PTPN13: variants seen among roughly 807,000 people sequenced by gnomAD.
PTPN13 encodes protein tyrosine phosphatase non-receptor type 13, also known as tyrosine-protein phosphatase non-receptor type 13.
In PTPN13, 191 loss-of-function variants were observed where a neutral mutation model predicts 284.0. That is an observed-to-expected ratio of 0.67 (90% CI 0.60 to 0.76). PTPN13 has a LOEUF of 0.76. Among genes scored for constraint, PTPN13 ranks in the 30% least tolerant of loss-of-function variants. The pLI is 0.00. For missense variants in PTPN13, 2,797 were observed against 2,939.9 expected, an observed-to-expected ratio of 0.95 and a Z score of 1.12; for synonymous variants, 986 against 1,022.3, an observed-to-expected ratio of 0.96 and a Z score of 0.68.
chr4:86,775,670 A>G lies in PTPN13; in HGVS notation c.5891+18A>G, dbSNP rs1472135672. The G allele has an allele frequency of 5.7e-6, 9 of 1,579,090 alleles. No homozygotes were observed. The African/African-American group carries it at 1.2e-4, about 21-fold the overall frequency. On this transcript the variant is annotated intron_variant, in intron 35 of 47. Coordinates refer to ENST00000411767, the MANE Select transcript of PTPN13 (RefSeq NM_080683.3). ...GCAACAAGGTACTCTGCAATTATTT[A>G]TGAGTTTTGATTGTGCGTGTGTGTG...
At chr4:86,743,126 T>A (rs561898957) in intron 16 of PTPN13, among the ~76,000 whole-genome samples, 77 of 152,270 alleles carry the variant, frequency 5.1e-4, no homozygotes, top group African/African-American at 1.7e-3. Flanking sequence ...CACAACTGAG[T>A]TCTCTCAAGC....
chr4:86,672,060 C>T (rs911821834), intron 2 of PTPN13, among the ~76,000 whole-genome samples: 11 of 152,160 alleles, frequency 7.2e-5, no homozygotes, highest in African/African-American at 2.7e-4. Flanking sequence ...GTTGATAAAA[C>T]ATTTGAACCA....
intron 1 of PTPN13, among the ~76,000 whole-genome samples, chr4:86,602,779 C>T (rs1366899327): frequency 6.6e-6 from 1 of 151,912 alleles, no homozygotes; most frequent in Non-Finnish European, 1.5e-5. Context: ...GCACTTCAAC[C>T]TCCCATGCTC....
intron 5 of PTPN13, 37 bp from the exon 6 acceptor site, chr4:86,693,550 C>T (rs1231345862): frequency 6.5e-6 from 9 of 1,376,932 alleles, no homozygotes; most frequent in Non-Finnish European, 8.8e-6. Context: ...AAGGGAGATC[C>T]TTTTGTCAAA....
intron 20 of PTPN13, among the ~76,000 whole-genome samples, chr4:86,755,122 A>G (rs1423320274): frequency 6.6e-6 from 1 of 152,106 alleles, no homozygotes; most frequent in Non-Finnish European, 1.5e-5. Flanking sequence ...AGATTATTAG[A>G]TGAAAATTAT....
At chr4:86,688,421 C>A (rs1021273867) in intron 4 of PTPN13, among the ~76,000 whole-genome samples, 1 of 150,958 alleles carries the variant, frequency 6.6e-6, no homozygotes, top group Admixed American at 6.6e-5. Context: ...CATTGGCCAC[C>A]CTTTCATATG....
At chr4:86,801,175 A>G (rs1041514611) in intron 42 of PTPN13, among the ~76,000 whole-genome samples, 1 of 152,230 alleles carries the variant, frequency 6.6e-6, no homozygotes, top group African/African-American at 2.4e-5. Context: ...CTCTTCTAAG[A>G]TAGTTGACTC....
At chr4:86,686,803 C>T (rs753313949) in intron 4 of PTPN13, 28 bp downstream of exon 4, 1 of 1,460,266 alleles carries the variant, frequency 6.8e-7, no homozygotes, top group South Asian at 1.2e-5. Context: ...AGTTGTTATA[C>T]TTTTTACATA....
At chr4:86,812,572 C>T (rs1434942789) in intron 47 of PTPN13, among the ~76,000 whole-genome samples, 1 of 152,018 alleles carries the variant, frequency 6.6e-6, no homozygotes, top group African/African-American at 2.4e-5. Flanking sequence ...GCACCATTGG[C>T]GAAGTAACAC....
At chr4:86,780,608 C>T (rs1360995250) in intron 36 of PTPN13, 136 bp downstream of exon 36, 1 of 669,110 alleles carries the variant, frequency 1.5e-6, no homozygotes, top group Non-Finnish European at 2.7e-6. Context: ...TTTTTCACTG[C>T]CAGCTGTTCA....
chr4:86,652,652 T>C (rs894655044), intron 2 of PTPN13, among the ~76,000 whole-genome samples: 12 of 152,208 alleles, frequency 7.9e-5, no homozygotes, highest in Non-Finnish European at 1.8e-4. Flanking sequence ...CCTTTATATG[T>C]TATTTGTATA....
chr4:86,769,035 T>A (rs1385390267), intron 28 of PTPN13, among the ~76,000 whole-genome samples: 2 of 152,120 alleles, frequency 1.3e-5, no homozygotes, highest in Non-Finnish European at 2.9e-5. Flanking sequence ...TAAATAGATT[T>A]TTTTTTTAAA....
intron 17 of PTPN13, among the ~76,000 whole-genome samples, chr4:86,748,652 A>G (rs1280513649): frequency 6.6e-6 from 1 of 151,902 alleles, no homozygotes; most frequent in Admixed American, 6.6e-5. Flanking sequence ...TGAGGTAAAG[A>G]TGATTATGGA....
At chr4:86,793,180 G>T (rs1407257350) in intron 40 of PTPN13, among the ~76,000 whole-genome samples, 1 of 151,960 alleles carries the variant, frequency 6.6e-6, no homozygotes, top group Non-Finnish European at 1.5e-5. Context: ...CAAGCCAATG[G>T]AAAGCAAAAA....
At chr4:86,758,379 A>T in intron 21 of PTPN13, 30 bp downstream of exon 21, 1 of 1,526,820 alleles carries the variant, frequency 6.5e-7, no homozygotes, top group Non-Finnish European at 9.0e-7. Flanking sequence ...TTGAAGGTCT[A>T]TGATTGTTGG....
At chr4:86,742,556 A>G (rs1466522813) in intron 16 of PTPN13, among the ~76,000 whole-genome samples, 1 of 152,178 alleles carries the variant, frequency 6.6e-6, no homozygotes, top group Non-Finnish European at 1.5e-5. Flanking sequence ...AACAGTATTT[A>G]TAAAGTTACC....
chr4:86,668,762 ATTTTTTTTT>A (rs776320959), intron 2 of PTPN13, among the ~76,000 whole-genome samples: 1 of 112,310 alleles, frequency 8.9e-6, no homozygotes, highest in Non-Finnish European at 1.8e-5. Context: ...CGCCCAGCTA[ATTTTTTTTT>A]TTTTTTTTTT....
chr4:86,629,600 C>A (rs1454252249), intron 1 of PTPN13, among the ~76,000 whole-genome samples: 1 of 152,068 alleles, frequency 6.6e-6, no homozygotes, highest in Non-Finnish European at 1.5e-5. Context: ...TAATCTGGGT[C>A]ATGCATTTGT....
rs1745613443 is a variant in PTPN13, at chr4:86,814,745, A to G, written c.*194A>G. 1 of 502,994 alleles carries G rather than the reference A, an allele frequency of 2.0e-6. No individual in the cohort carries two copies. The allele number at this position is 502,994 out of a possible 1,614,324, so 31.2% of individuals were successfully genotyped here. Reference sequence around the variant, plus strand: ...ATTTTTACAGCTACTTTAACCTATGATAATTATTTACAAAATTTTAACACT... The same window carrying G: ...ATTTTTACAGCTACTTTAACCTATGGTAATTATTTACAAAATTTTAACACT... On this transcript the variant is annotated 3_prime_UTR_variant, in exon 48 of 48. Coordinates refer to ENST00000411767, the MANE Select transcript of PTPN13 (RefSeq NM_080683.3).
Sources: gnomAD v4.1 joint callset for allele counts (sites outside exome capture counted in the v4.1 genomes callset) on GRCh38, gnomAD v4.1.1 for gene constraint, MANE v1.5 for transcripts, NCBI Gene and HGNC (gene_info 2026-07-23, HGNC 2026-07-21) for gene names.